Variants in TRAPPC9 observed in about 807,000 individuals in gnomAD.
TRAPPC9 encodes the protein IKK2 binding protein.
In TRAPPC9, 83 loss-of-function variants were observed where a neutral mutation model predicts 124.0. The observed-to-expected ratio is 0.67, with a 90% CI of 0.56 to 0.80. TRAPPC9 has a LOEUF of 0.80. TRAPPC9 is among the 30% of genes least tolerant of loss of function. The pLI is 0.00. For synonymous variants in TRAPPC9, 638 were observed against 617.5 expected, an observed-to-expected ratio of 1.03 and a Z score of -0.49; for missense variants, 1,302 against 1,508.3, an observed-to-expected ratio of 0.86 and a Z score of 2.27.
intron 15 of TRAPPC9, among the ~76,000 whole-genome samples, chr8:140,255,623 C>T (rs1051564679): frequency 6.6e-6 from 1 of 152,238 alleles, no homozygotes; most frequent in Non-Finnish European, 1.5e-5. Context: ...CAGTGACTCA[C>T]ACCTGTAATC....
At chr8:140,035,638 G>A (rs951190534) in intron 17 of TRAPPC9, among the ~76,000 whole-genome samples, 1 of 152,192 alleles carries the variant, frequency 6.6e-6, no homozygotes, top group Non-Finnish European at 1.5e-5. Flanking sequence ...TCGGCAAGGT[G>A]AGGTACGTTG....
chr8:140,244,447 C>G (rs932036571), intron 16 of TRAPPC9, among the ~76,000 whole-genome samples: 4 of 152,000 alleles, frequency 2.6e-5, no homozygotes, highest in African/African-American at 7.2e-5. Flanking sequence ...CTTACAAAAC[C>G]AAAAGCCAAA....
In TRAPPC9 at chr8:139,728,161, A is replaced by C. The variant is rs1261489907; in HGVS notation, c.*2900T>G. On this transcript the variant is annotated 3_prime_UTR_variant, in exon 23 of 23. Transcript: ENST00000438773. ...TAACTTGTCCAAGGTCAAGGAGTTG[A>C]CAAGTGGCTGAGCTGGAGTTCAGCA... is the stretch of plus-strand genomic sequence containing the variant. Among the ~76,000 whole-genome samples the C allele has an allele frequency of 6.6e-6, 1 of 152,244 alleles. No individual in the cohort carries two copies. The highest frequency in any genetic ancestry group is 1.5e-5 in the Non-Finnish European group (1 of 68,048).
chr8:140,287,708 G>A lies in TRAPPC9; in HGVS notation c.1881C>T (p.Phe627=), dbSNP rs774534679. ...NMGLLTSGVE[F]ESLPAALSLP... ...GAGAAAGCGCCGCAGGGAGAGACTC[G>A]AACTCCACTCCGCTGGTGAGCAGCC... The change falls in exon 13 of 23, where the codon TTC becomes TTT. Residue 627 remains phenylalanine (F), a synonymous_variant. Coordinates refer to ENST00000438773, the MANE Select transcript of TRAPPC9 (RefSeq NM_001160372.4). 2.5e-5 allele frequency: 40 copies of A among 1,614,008 alleles called. No individual in the cohort carries two copies. Among genetic ancestry groups the A allele is most frequent in the Admixed American group, 2.2e-4 (13 of 59,992 alleles).
chr8:140,271,330 TAAAC>T (rs1184102055), intron 15 of TRAPPC9, among the ~76,000 whole-genome samples: 3 of 152,148 alleles, frequency 2.0e-5, no homozygotes, highest in Admixed American at 6.5e-5. Context: ...AAGACACAAA[TAAAC>T]AACATTTTTA....
chr8:140,315,107 T>C (rs2066408048), intron 9 of TRAPPC9, among the ~76,000 whole-genome samples: 1 of 152,224 alleles, frequency 6.6e-6, no homozygotes. Context: ...ATTTCATCTT[T>C]TGACTTTTTG....
In TRAPPC9 at chr8:140,216,961, G is replaced by A. The variant is rs978114964; in HGVS notation, c.2556+4498C>T. ...ATGCACCCTTGTTTCCCCATCACAC[G>A]GCACGCTGCTTAACACGGTCCTCAG... On this transcript the variant is annotated intron_variant, in intron 17 of 22. Coordinates refer to ENST00000438773, the MANE Select transcript of TRAPPC9 (RefSeq NM_001160372.4). This position sits in a 1 kb window ranked among gnomAD's most constrained non-coding sequence, Gnocchi z 4.1. Among the ~76,000 whole-genome samples the A allele has an allele frequency of 2.6e-5, 4 of 152,096 alleles. No individual in the cohort carries two copies. Among genetic ancestry groups the A allele is most frequent in the Admixed American group, 2.6e-4 (4 of 15,274 alleles).
intron 17 of TRAPPC9, among the ~76,000 whole-genome samples, chr8:140,128,978 T>C (rs1420159398): frequency 1.6e-5 from 2 of 124,184 alleles, no homozygotes; most frequent in African/African-American, 5.6e-5. Context: ...ATAAAATATA[T>C]ATATATATAC....
intron 17 of TRAPPC9, among the ~76,000 whole-genome samples, chr8:140,204,366 C>G (rs559874597): frequency 1.1e-4 from 16 of 151,476 alleles, no homozygotes; most frequent in Admixed American, 9.2e-4. Flanking sequence ...AACAAACTAT[C>G]GCAAGGACAG....
chr8:140,128,024 T>G (rs935424798), intron 17 of TRAPPC9, among the ~76,000 whole-genome samples: 1 of 152,258 alleles, frequency 6.6e-6, no homozygotes, highest in Non-Finnish European at 1.5e-5. Context: ...CTTACTAAAA[T>G]GATTCATGGT....
chr8:140,023,152 AGCTCGGAGGT>A (rs1260004431), intron 18 of TRAPPC9, among the ~76,000 whole-genome samples: 1 of 152,092 alleles, frequency 6.6e-6, no homozygotes, highest in Non-Finnish European at 1.5e-5. Context: ...CACCAGGACG[AGCTCGGAGGT>A]GAAGAGCACC....
At chr8:139,885,718 A>G (rs905471699) in intron 21 of TRAPPC9, among the ~76,000 whole-genome samples, 161 bp downstream of exon 21, 4 of 152,248 alleles carry the variant, frequency 2.6e-5, no homozygotes, top group Non-Finnish European at 4.4e-5. Flanking sequence ...GTGCTGGCGC[A>G]GTATGGTGAG....
chr8:140,166,867 C>T (rs1348515748), intron 17 of TRAPPC9, among the ~76,000 whole-genome samples: 1 of 152,218 alleles, frequency 6.6e-6, no homozygotes, highest in Non-Finnish European at 1.5e-5. Context: ...CTAGGCCTGA[C>T]ATGTTGCCCC....
chr8:139,773,806 A>G (rs1184212316), intron 21 of TRAPPC9, among the ~76,000 whole-genome samples: 1 of 152,248 alleles, frequency 6.6e-6, no homozygotes, highest in African/African-American at 2.4e-5. Flanking sequence ...GCGACTCTCA[A>G]TTCAGCTCTT....
intron 17 of TRAPPC9, among the ~76,000 whole-genome samples, chr8:140,112,142 G>A (rs1048128695): frequency 1.3e-5 from 2 of 151,758 alleles, no homozygotes; most frequent in African/African-American, 2.4e-5. Flanking sequence ...GGCACGAGGA[G>A]AGTAATGGAG....
At chr8:140,219,482 C>G (rs1057179042) in intron 17 of TRAPPC9, among the ~76,000 whole-genome samples, 7 of 152,330 alleles carry the variant, frequency 4.6e-5, no homozygotes, top group South Asian at 2.1e-4. Context: ...AGGGACCTCA[C>G]GGAGAGTTAA....
At chr8:140,114,822 G>C (rs892057909) in intron 17 of TRAPPC9, among the ~76,000 whole-genome samples, 4 of 152,174 alleles carry the variant, frequency 2.6e-5, no homozygotes, top group Non-Finnish European at 4.4e-5. Flanking sequence ...CAAGAGGAGG[G>C]AGGGAACTGT....
At chr8:139,851,981 C>T (rs751020090) in intron 21 of TRAPPC9, among the ~76,000 whole-genome samples, 1 of 152,098 alleles carries the variant, frequency 6.6e-6, no homozygotes, top group Non-Finnish European at 1.5e-5. Flanking sequence ...TGGCTGTGTC[C>T]CCACCCAAAT....
chr8:140,123,765 T>C (rs1032928952), intron 17 of TRAPPC9, among the ~76,000 whole-genome samples: 1 of 152,228 alleles, frequency 6.6e-6, no homozygotes, highest in Non-Finnish European at 1.5e-5. Flanking sequence ...ACTGATAGTA[T>C]ACTAGGGGCC....
Sources: gnomAD v4.1 joint callset for allele counts (sites outside exome capture counted in the v4.1 genomes callset) on GRCh38, gnomAD v4.1.1 for gene constraint, Gnocchi (gnomAD v3.1) non-coding constraint, MANE v1.5 for transcripts, NCBI Gene and HGNC (gene_info 2026-07-23, HGNC 2026-07-21) for gene names.